The following CFAP251 variants were observed in gnomAD, a reference collection of about 807,000 sequenced individuals.
CFAP251 encodes the protein cilia- and flagella-associated protein 251.
Under a neutral mutation model 126.7 loss-of-function variants are expected in CFAP251, and 93 were observed. The observed-to-expected ratio is 0.73, with a 90% CI of 0.62 to 0.87. CFAP251 has a LOEUF of 0.87. Among genes scored for constraint, CFAP251 ranks in the 40% least tolerant of loss-of-function variants. CFAP251 has a pLI of 0.00. For missense variants in CFAP251, 1,287 were observed against 1,389.2 expected, an observed-to-expected ratio of 0.93 and a Z score of 1.17; for synonymous variants, 503 against 506.9, an observed-to-expected ratio of 0.99 and a Z score of 0.10.
At chr12:121,971,822 A>G in intron 17 of CFAP251, 2 of 516,460 alleles carry the variant, frequency 3.9e-6, no homozygotes, top group Non-Finnish European at 7.1e-6. Context: ...ATTCCCGTGT[A>G]TGGTGGGAGG....
In CFAP251 at chr12:122,003,834, G is replaced by C; in HGVS notation, c.*70G>C. ...GCATGCACATGTGTGTGTTTTCCAT[G>C]AGGCACTGCTTTTTATGCATTTCCC... On this transcript the variant is annotated 3_prime_UTR_variant, in exon 22 of 22. Coordinates refer to ENST00000288912, the MANE Select transcript of CFAP251 (RefSeq NM_144668.6). 8.4e-7 allele frequency: 1 copy of C among 1,193,592 alleles called. No individual in the cohort carries two copies. The highest frequency in any genetic ancestry group is 1.6e-5 in the South Asian group (1 of 63,370). The allele number at this position is 1,193,592 out of a possible 1,614,324, so 73.9% of individuals were successfully genotyped here. A position where few individuals can be genotyped will look rare whatever the true frequency, so the allele number is the denominator to read the frequency against.
At chr12:121,981,368 G>T (rs527268375) in intron 19 of CFAP251, among the ~76,000 whole-genome samples, 11 of 152,234 alleles carry the variant, frequency 7.2e-5, no homozygotes, top group South Asian at 2.1e-4. Flanking sequence ...TTCTCGGGAG[G>T]CTGAGGTGGG....
At chr12:121,931,695 T>C (rs1880697212) in intron 3 of CFAP251, 51 bp from the exon 4 acceptor site, 1 of 1,438,820 alleles carries the variant, frequency 7.0e-7, no homozygotes, top group Admixed American at 2.7e-5. Flanking sequence ...GAGCCCCAGC[T>C]CTGGGCTGAA....
intron 3 of CFAP251, 123 bp downstream of exon 3, chr12:121,924,113 C>A: frequency 1.6e-6 from 2 of 1,237,308 alleles, no homozygotes; most frequent in Non-Finnish European, 2.2e-6. Context: ...TAATAATAGA[C>A]TTGTGTTTTT....
intron 17 of CFAP251, chr12:121,969,545 G>A: frequency 1.1e-6 from 1 of 948,128 alleles, no homozygotes. Context: ...TAGTACAGAG[G>A]TGTGATCATG....
At chr12:121,979,800 A>T (rs2135803246) in intron 19 of CFAP251, among the ~76,000 whole-genome samples, 1 of 152,142 alleles carries the variant, frequency 6.6e-6, no homozygotes, top group Non-Finnish European at 1.5e-5. Flanking sequence ...TCCTGACCTC[A>T]AGTGATCCAC....
chr12:121,980,355 C>A (rs1207461640), intron 19 of CFAP251, among the ~76,000 whole-genome samples: 1 of 151,966 alleles, frequency 6.6e-6, no homozygotes. Flanking sequence ...GCGTGGCTTC[C>A]ACGGAATTCT....
chr12:121,990,499 TC>T (rs1341603840), intron 19 of CFAP251, among the ~76,000 whole-genome samples: 1 of 152,190 alleles, frequency 6.6e-6, no homozygotes, highest in East Asian at 1.9e-4. Context: ...TGCACCCTCC[TC>T]CTCATGCTTG....
chr12:121,946,396 G>A (rs1881327395), intron 7 of CFAP251, among the ~76,000 whole-genome samples: 1 of 152,118 alleles, frequency 6.6e-6, no homozygotes, highest in Admixed American at 6.6e-5. Context: ...ATTTTCCTGT[G>A]GTATAGAATT....
At position 121,919,141 on chromosome 12, in the gene CFAP251, TTA is replaced by T. The variant is rs374750909; in HGVS notation, c.-21+448_-21+449del. Among the ~76,000 whole-genome samples, 11 of 37,932 alleles carry T rather than the reference TTA, an allele frequency of 2.9e-4. 1 individual carries two copies. The East Asian group carries it at 3.5e-3, about 12-fold the overall frequency. 24.9% of individuals were successfully genotyped at this position (37,932 alleles called of 152,430 possible). Reference sequence around the variant, plus strand: ...CATTATTTATTTATTATTATTATTATTATTTTTTTTTTACCAGAGATGAATTT... The same window carrying T: ...CATTATTTATTTATTATTATTATTATTTTTTTTTTTACCAGAGATGAATTT... On this transcript the variant is annotated intron_variant, in intron 1 of 21. Coordinates refer to ENST00000288912, the MANE Select transcript of CFAP251 (RefSeq NM_144668.6).
intron 3 of CFAP251, among the ~76,000 whole-genome samples, chr12:121,928,626 G>GTATATATATATA (rs57842636): frequency 4.6e-5 from 2 of 43,182 alleles, no homozygotes; most frequent in Non-Finnish European, 9.3e-5. Flanking sequence ...ATGTATATGT[G>GTATATATATATA]TATATATATA....
At chr12:121,990,656 T>C (rs1882856554) in intron 19 of CFAP251, among the ~76,000 whole-genome samples, 1 of 152,212 alleles carries the variant, frequency 6.6e-6, no homozygotes, top group Admixed American at 6.5e-5. Flanking sequence ...TCCTGCATCT[T>C]GGCACTGAAT....
intron 16 of CFAP251, 35 bp downstream of exon 16, chr12:121,967,104 A>C: frequency 6.4e-7 from 1 of 1,574,374 alleles, no homozygotes; most frequent in Non-Finnish European, 8.7e-7. Flanking sequence ...CTGGGAGTTG[A>C]CTCTGTGTGT....
intron 1 of CFAP251, among the ~76,000 whole-genome samples, chr12:121,920,643 G>A (rs75134257): frequency 0.061 from 9,272 of 151,974 alleles, 523 homozygotes; most frequent in East Asian, 0.21. Flanking sequence ...TGATCCACCC[G>A]CGTCAGCCTC....
Position 121,968,158 on chromosome 12 carries a change from A to G in CFAP251, c.2760A>G (p.Lys920=). 1 of 1,606,092 alleles carries G rather than the reference A, an allele frequency of 6.2e-7. No homozygotes were observed. Among genetic ancestry groups the G allele is most frequent in the Non-Finnish European group, 8.5e-7 (1 of 1,174,112 alleles). Residue 920 remains lysine (K), a synonymous_variant, in exon 17 of 22, where the codon AAA becomes AAG. Transcript: ENST00000288912. ...ACGATCGCTCGGTGGTGCAGTGGAA[A>G]ATCACCTTAAGGTACACGATGGGGC... ...GGHDRSVVQW[K]ITLSVLEAAV...
In CFAP251 at chr12:121,921,483, G is replaced by A. The variant is rs754769413; in HGVS notation, c.178G>A (p.Glu60Lys). 4 of 1,607,102 alleles carry A rather than the reference G, an allele frequency of 2.5e-6. No homozygotes were observed. The East Asian group carries it at 6.7e-5, about 27-fold the overall frequency. ...SQEEERKTGEEEGEEEGKEDK... is the reference protein window; with the variant it reads ...SQEEERKTGEKEGEEEGKEDK... Reference sequence around the variant, plus strand: ...GGAGGAGGAGAGGAAAACGGGCGAGGAGGAAGGGGAGGAGGAGGGGAAGGA... The same window carrying A: ...GGAGGAGGAGAGGAAAACGGGCGAGAAGGAAGGGGAGGAGGAGGGGAAGGA... The change falls in exon 2 of 22, where the codon GAG becomes AAG. Residue 60 changes from glutamate to lysine, a missense_variant. Coordinates refer to ENST00000288912, the MANE Select transcript of CFAP251 (RefSeq NM_144668.6).
chr12:121,925,666 A>G (rs896849424), intron 3 of CFAP251, among the ~76,000 whole-genome samples: 4 of 112,634 alleles, frequency 3.6e-5, no homozygotes, highest in African/African-American at 1.5e-4. Context: ...GCAAACATAA[A>G]TCAGGCAATG....
intron 19 of CFAP251, among the ~76,000 whole-genome samples, chr12:121,982,552 A>G (rs533286439): frequency 2.3e-4 from 35 of 151,962 alleles, no homozygotes; most frequent in African/African-American, 7.5e-4. Context: ...CTAATTTTGT[A>G]TTTTTAGTAG....
intron 19 of CFAP251, among the ~76,000 whole-genome samples, chr12:121,979,894 G>A (rs565639117): frequency 3.9e-5 from 6 of 152,222 alleles, no homozygotes; most frequent in Non-Finnish European, 5.9e-5. Context: ...TACAAGTTAC[G>A]GAAACCTAAG....
Sources: allele counts gnomAD v4.1 joint callset (sites outside exome capture counted in the v4.1 genomes callset), GRCh38; gene constraint gnomAD v4.1.1; transcripts MANE v1.5; gene names NCBI Gene and HGNC (gene_info 2026-07-23, HGNC 2026-07-21).